The following PTPRN2 variants were observed in gnomAD, a reference collection of about 807,000 sequenced individuals.
PTPRN2 encodes protein tyrosine phosphatase receptor type N2, also known as receptor-type tyrosine-protein phosphatase N2.
PTPRN2 carries 74 observed loss-of-function variants against 118.8 expected under a neutral mutation model. That is an observed-to-expected ratio of 0.62 (90% CI 0.52 to 0.76). PTPRN2 has a LOEUF of 0.76. Among genes scored for constraint, PTPRN2 ranks in the 30% least tolerant of loss-of-function variants. The pLI, the probability that PTPRN2 is intolerant of heterozygous loss-of-function variation, is 0.00. For synonymous variants in PTPRN2, 641 were observed against 608.0 expected (o/e 1.05, Z -0.80); for missense variants, 1,481 against 1,394.4 (o/e 1.06, Z -0.99).
At chr7:157,639,586 G>A in intron 14 of PTPRN2, among the ~76,000 whole-genome samples, 1 of 152,254 alleles carries the variant, frequency 6.6e-6, no homozygotes, top group East Asian at 1.9e-4. Flanking sequence ...AGCTGAAGGA[G>A]AAAGTGAAAC....
At chr7:157,659,315 T>A in intron 13 of PTPRN2, among the ~76,000 whole-genome samples, 1 of 76,856 alleles carries the variant, frequency 1.3e-5, no homozygotes, top group East Asian at 3.7e-4. Context: ...CGGGGGGGGA[T>A]GACCCCGGGG....
intron 6 of PTPRN2, among the ~76,000 whole-genome samples, chr7:158,149,388 A>C (rs1265437460): frequency 6.6e-6 from 1 of 152,212 alleles, no homozygotes; most frequent in Non-Finnish European, 1.5e-5. Flanking sequence ...GTGTCTTTTC[A>C]GTATAAACTC....
intron 12 of PTPRN2, among the ~76,000 whole-genome samples, chr7:157,788,374 C>CAAAAAAAAAAGAA (rs1554446642): frequency 1.3e-5 from 1 of 75,552 alleles, no homozygotes; most frequent in African/African-American, 4.6e-5. Flanking sequence ...GACTCCATCT[C>CAAAAAAAAAAGAA]AAAAAAAAAA....
chr7:158,511,875 T>A (rs889499191), intron 1 of PTPRN2, among the ~76,000 whole-genome samples: 1 of 152,174 alleles, frequency 6.6e-6, no homozygotes, highest in African/African-American at 2.4e-5. Context: ...AGATCAGTGG[T>A]TGTCAAGGAT....
chr7:158,412,294 A>C (rs113765658), intron 2 of PTPRN2, among the ~76,000 whole-genome samples: 1 of 48,242 alleles, frequency 2.1e-5, no homozygotes, highest in African/African-American at 9.3e-5. Context: ...ACCCTCCTCA[A>C]CACCAGGGCC....
intron 12 of PTPRN2, among the ~76,000 whole-genome samples, chr7:157,860,070 C>G (rs1810112404): frequency 6.6e-6 from 1 of 152,246 alleles, no homozygotes; most frequent in Admixed American, 6.5e-5. Flanking sequence ...GCACAGACCC[C>G]AGAGACAGCA....
chr7:157,720,598 G>A lies in PTPRN2; in HGVS notation c.1789-37661C>T, dbSNP rs886354533. Among the ~76,000 whole-genome samples, 8 of 152,354 alleles carry A rather than the reference G, an allele frequency of 5.3e-5. No homozygotes were observed. The East Asian group carries it at 1.2e-3, about 22-fold the overall frequency. ...ATGCATGGGTGTGCACGCGGGGACCGAGGGAGTCACGTGAATCATGTGGCT... is the reference window on the plus strand; with the variant it reads ...ATGCATGGGTGTGCACGCGGGGACCAAGGGAGTCACGTGAATCATGTGGCT... On this transcript the variant is annotated intron_variant, in intron 12 of 22. Transcript: ENST00000389418.
chr7:158,010,047 C>T (rs1265522849), intron 11 of PTPRN2, among the ~76,000 whole-genome samples: 1 of 152,208 alleles, frequency 6.6e-6, no homozygotes, highest in African/African-American at 2.4e-5. Flanking sequence ...CCAGCCATGC[C>T]CCTGCAGGAC....
intron 2 of PTPRN2, among the ~76,000 whole-genome samples, chr7:158,327,379 TCACATGCACA>T (rs891682728): frequency 3.5e-5 from 5 of 143,354 alleles, no homozygotes; most frequent in African/African-American, 5.2e-5. Context: ...ACACACATTA[TCACATGCACA>T]CACATGCTCA....
At chr7:158,210,131 C>CTTTTTTTTT (rs869191127) in intron 3 of PTPRN2, among the ~76,000 whole-genome samples, 2 of 108,662 alleles carry the variant, frequency 1.8e-5, no homozygotes, top group Admixed American at 1.0e-4. Context: ...AATGATGCAT[C>CTTTTTTTTT]TTTTTTTTTT....
chr7:157,996,518 G>C (rs900551273), intron 11 of PTPRN2, among the ~76,000 whole-genome samples: 4 of 152,192 alleles, frequency 2.6e-5, no homozygotes, highest in African/African-American at 9.7e-5. Context: ...ACACGGCTTA[G>C]AGCCCTTCCT....
intron 3 of PTPRN2, among the ~76,000 whole-genome samples, chr7:158,240,399 G>A (rs1320007623): frequency 6.6e-6 from 1 of 152,178 alleles, no homozygotes; most frequent in South Asian, 2.1e-4. Flanking sequence ...GCCTGCCACA[G>A]CAGAAAGACC....
intron 3 of PTPRN2, among the ~76,000 whole-genome samples, chr7:158,269,961 G>T (rs1455428307): frequency 6.6e-6 from 1 of 152,188 alleles, no homozygotes; most frequent in African/African-American, 2.4e-5. Context: ...CAGAGAGAAA[G>T]AATCAGAGAC....
At chr7:158,200,922 TA>T (rs1288962138) in intron 4 of PTPRN2, among the ~76,000 whole-genome samples, 2 of 152,216 alleles carry the variant, frequency 1.3e-5, no homozygotes, top group Admixed American at 6.5e-5. Flanking sequence ...GTGATTTCAT[TA>T]TTTTTTTAAA....
At chr7:158,515,640 C>T (rs1777018280) in intron 1 of PTPRN2, among the ~76,000 whole-genome samples, 2 of 152,176 alleles carry the variant, frequency 1.3e-5, no homozygotes, top group African/African-American at 4.8e-5. Context: ...GCTCGCCTTT[C>T]TACATCATCT....
In PTPRN2 at chr7:158,082,891, C is replaced by T. The variant is rs534763405; in HGVS notation, c.1644-1514G>A. Among the ~76,000 whole-genome samples the T allele has an allele frequency of 2.6e-4, 40 of 152,302 alleles. 1 individual carries two copies. The South Asian group carries it at 7.2e-3, about 28-fold the overall frequency. On this transcript the variant is annotated intron_variant, in intron 10 of 22. Transcript: ENST00000389418. ...CATGGAGCAGGAGCTGGTGTCTTCT[C>T]GAGCCCAGGCCCCAGGCCTGTCTAC...
intron 17 of PTPRN2, among the ~76,000 whole-genome samples, chr7:157,588,014 G>T (rs1800774193): frequency 6.6e-6 from 1 of 151,774 alleles, no homozygotes; most frequent in Non-Finnish European, 1.5e-5. Flanking sequence ...CTCCCGCGGT[G>T]GCTGTCCCCG....
intron 2 of PTPRN2, among the ~76,000 whole-genome samples, chr7:158,318,025 C>G (rs1424941483): frequency 6.6e-6 from 1 of 152,192 alleles, no homozygotes; most frequent in Non-Finnish European, 1.5e-5. Context: ...GAGGAGACGC[C>G]AGGCCCGCGC....
chr7:157,778,947 T>C (rs1411367932), intron 12 of PTPRN2, among the ~76,000 whole-genome samples: 3 of 152,216 alleles, frequency 2.0e-5, no homozygotes, highest in African/African-American at 7.2e-5. Flanking sequence ...AGCCACACAG[T>C]GCTCAGCTCA....
Sources: allele counts gnomAD v4.1 joint callset (sites outside exome capture counted in the v4.1 genomes callset), GRCh38; gene constraint gnomAD v4.1.1; transcripts MANE v1.5; gene names NCBI Gene and HGNC (gene_info 2026-07-23, HGNC 2026-07-21).